Variants in CALN1 observed in about 807,000 individuals in gnomAD.
CALN1 encodes calcium-binding protein 8.
Under a neutral mutation model 30.6 loss-of-function variants are expected in CALN1, and 17 were observed. The ratio of observed to expected loss-of-function variants is 0.56; its 90% confidence interval spans 0.38 to 0.83. The LOEUF (loss-of-function observed/expected upper bound fraction) is 0.83, where lower values mean the gene tolerates loss of function less well. Ranked by LOEUF, CALN1 falls within the 40% of genes least tolerant of loss-of-function variation. CALN1 has a pLI of 0.00. For synonymous variants in CALN1, 156 were observed against 131.4 expected (o/e 1.19, Z -1.28); for missense variants, 291 against 354.9 (o/e 0.82, Z 1.45).
chr7:72,109,779 C>T (rs888208972), intron 3 of CALN1, among the ~76,000 whole-genome samples: 5 of 152,178 alleles, frequency 3.3e-5, no homozygotes, highest in African/African-American at 1.2e-4. Flanking sequence ...CCAGGCCTCC[C>T]GACGTGAGAG....
intron 5 of CALN1, among the ~76,000 whole-genome samples, chr7:71,845,345 T>G (rs1349636262): frequency 6.6e-6 from 1 of 152,234 alleles, no homozygotes; most frequent in Non-Finnish European, 1.5e-5. Context: ...AAGCAAGAAC[T>G]GAGGAGGAGG....
At chr7:72,011,861 T>C (rs1371079341) in intron 5 of CALN1, among the ~76,000 whole-genome samples, 1 of 152,068 alleles carries the variant, frequency 6.6e-6, no homozygotes, top group Non-Finnish European at 1.5e-5. Flanking sequence ...ACACTGGTCT[T>C]GAACTCTGAA....
the CALN1 span, among the ~76,000 whole-genome samples, chr7:72,481,910 A>G: frequency 6.6e-6 from 1 of 152,262 alleles, no homozygotes; most frequent in Admixed American, 6.5e-5. Context: ...CTTGGTTGAT[A>G]GTGTTTTTCA....
chr7:71,964,029 TTG>T (rs2129525457), intron 5 of CALN1, among the ~76,000 whole-genome samples: 1 of 152,330 alleles, frequency 6.6e-6, no homozygotes, highest in African/African-American at 2.4e-5. Flanking sequence ...ATGAATCTCA[TTG>T]TTTCTTTTTT....
chr7:72,346,428 T>TA (rs1363988671), intron 2 of CALN1, among the ~76,000 whole-genome samples: 4 of 152,280 alleles, frequency 2.6e-5, no homozygotes, highest in African/African-American at 9.6e-5. Context: ...GTAATACTCT[T>TA]ACTTGTTTCT....
intron 1 of CALN1, among the ~76,000 whole-genome samples, chr7:72,417,650 T>G (rs1004573643): frequency 6.6e-6 from 1 of 152,254 alleles, no homozygotes; most frequent in African/African-American, 2.4e-5. Context: ...AACTGATTTG[T>G]CCAGATGTAT....
At chr7:71,872,061 A>C (rs1425632850) in intron 5 of CALN1, among the ~76,000 whole-genome samples, 1 of 152,200 alleles carries the variant, frequency 6.6e-6, no homozygotes, top group Non-Finnish European at 1.5e-5. Context: ...AGTTTTAATG[A>C]ATTTAAGTTC....
At chr7:72,412,632 C>T (rs753132589), upstream of CALN1, among the ~76,000 whole-genome samples, 3 of 152,220 alleles carry the variant, frequency 2.0e-5, no homozygotes, top group Non-Finnish European at 4.4e-5. Flanking sequence ...CACCCAGGGG[C>T]CACTGCTGGA....
upstream of CALN1, among the ~76,000 whole-genome samples, chr7:72,450,360 A>C (rs547016270): frequency 6.6e-6 from 1 of 152,266 alleles, no homozygotes; most frequent in Admixed American, 6.5e-5. Context: ...GGGGATGTAC[A>C]CCTGGCATAA....
intron 5 of CALN1, among the ~76,000 whole-genome samples, chr7:71,883,204 G>T (rs1471788078): frequency 2.0e-5 from 3 of 151,996 alleles, no homozygotes; most frequent in Admixed American, 6.6e-5. Context: ...GTTCACTGTT[G>T]TGTCATCAGT....
At chr7:72,413,429 C>A (rs1585701597), upstream of CALN1, among the ~76,000 whole-genome samples, 1 of 152,106 alleles carries the variant, frequency 6.6e-6, no homozygotes, top group East Asian at 1.9e-4. Flanking sequence ...CACACGTACA[C>A]TCACATAGAC....
At chr7:72,478,670 C>T in the CALN1 span, among the ~76,000 whole-genome samples, 2 of 152,006 alleles carry the variant, frequency 1.3e-5, no homozygotes, top group African/African-American at 2.4e-5. Context: ...TGATTGCTTC[C>T]CCTGCTGCCT....
chr7:72,351,387 A>G (rs1056153211), intron 2 of CALN1, among the ~76,000 whole-genome samples: 1 of 152,188 alleles, frequency 6.6e-6, no homozygotes, highest in Non-Finnish European at 1.5e-5. Context: ...ACAGAAACTT[A>G]GGAATGATAA....
chr7:72,397,712 T>TCA (rs1248212217), intron 2 of CALN1, among the ~76,000 whole-genome samples: 1,088 of 70,266 alleles, frequency 0.015, 5 homozygotes, highest in Non-Finnish European at 0.019. Context: ...ACCCATTCTC[T>TCA]CTCACACACA....
rs566818477 is a variant in CALN1 at position 71,994,523 on chromosome 7, A to C, written c.501+29134T>G. 3.9e-5 allele frequency among the ~76,000 whole-genome samples: 6 copies of C among 151,984 alleles called. No homozygotes were observed. The South Asian group carries it at 6.2e-4, about 16-fold the overall frequency. On this transcript the variant is annotated intron_variant, in intron 5 of 6. Coordinates refer to ENST00000395275, the MANE Select transcript of CALN1 (RefSeq NM_031468.4). ...CAAGACTTCATCTCAAAAAAAAAAA[A>C]AAAAAAAAAACAGTGATAGTAAAAT...
At chr7:71,916,140 G>A (rs1026041212) in intron 5 of CALN1, among the ~76,000 whole-genome samples, 1 of 152,070 alleles carries the variant, frequency 6.6e-6, no homozygotes, top group Non-Finnish European at 1.5e-5. Context: ...AAGATTGGAG[G>A]TGGGTTCTAG....
At chr7:72,390,679 G>T (rs1805523286) in intron 2 of CALN1, among the ~76,000 whole-genome samples, 1 of 152,046 alleles carries the variant, frequency 6.6e-6, no homozygotes, top group African/African-American at 2.4e-5. Context: ...TTACTATCAT[G>T]TTCCCACTGT....
intron 5 of CALN1, among the ~76,000 whole-genome samples, chr7:72,009,916 T>C (rs1255972999): frequency 1.3e-5 from 2 of 152,180 alleles, no homozygotes; most frequent in Admixed American, 6.5e-5. Context: ...ATCAGCAGCA[T>C]GAAAACAGAC....
chr7:71,805,026 A>G (rs1223210815), intron 6 of CALN1, among the ~76,000 whole-genome samples: 2 of 152,176 alleles, frequency 1.3e-5, no homozygotes, highest in African/African-American at 4.8e-5. Flanking sequence ...TTAATTTCTA[A>G]TAGAGTCCTT....
Sources: allele counts gnomAD v4.1 joint callset (sites outside exome capture counted in the v4.1 genomes callset), GRCh38; gene constraint gnomAD v4.1.1; transcripts MANE v1.5; gene names NCBI Gene and HGNC (gene_info 2026-07-23, HGNC 2026-07-21).